Variants in PCDHGC3 observed in about 807,000 individuals in gnomAD.
PCDHGC3 encodes protocadherin gamma-C3.
PCDHGC3 carries 26 observed loss-of-function variants against 59.2 expected under a neutral mutation model. The ratio of observed to expected loss-of-function variants is 0.44; its 90% CI spans 0.32 to 0.61. PCDHGC3 has a LOEUF of 0.61. Ranked by LOEUF, PCDHGC3 falls within the 20% of genes least tolerant of loss-of-function variation. PCDHGC3 has a pLI of 0.05. For synonymous variants in PCDHGC3, 487 were observed against 519.7 expected (o/e 0.94, Z 0.86); for missense variants, 1,080 against 1,221.8 (o/e 0.88, Z 1.73).
Position 141,478,461 on chromosome 5 carries a change from T to C in PCDHGC3, c.2345T>C (p.Leu782Pro). The C allele has an allele frequency of 6.2e-7, 1 of 1,613,254 alleles. No individual in the cohort carries two copies. The highest frequency in any genetic ancestry group is 2.2e-5 in the East Asian group (1 of 44,886). Residue 782 changes from leucine (L) to proline (P), a missense_variant, in exon 1 of 4, where the codon CTG becomes CCG. Transcript: ENST00000308177. ...AAGAAACCTGGTGCAGCCAGTCCAC[T>C]GGCCAGCCGCCAGAACACGCTGCGG... ...LLKKPGAASP[L>P]ASRQNTLRSC...
chr5:141,490,730 A>C lies in PCDHGC3; in HGVS notation c.2431-4077A>C. On this transcript the variant is annotated intron_variant, in intron 1 of 3. Coordinates refer to ENST00000308177, the MANE Select transcript of PCDHGC3 (RefSeq NM_002588.4). This position sits in a 1 kb window ranked among gnomAD's most constrained non-coding sequence, Gnocchi z 5.4. ...CTCACCTACTCCATTGTAGGAAATC[A>C]GGTTCAGGGAGCCCCAGCCTCCTCC... 6.2e-7 allele frequency: 1 copy of C among 1,614,188 alleles called. No homozygotes were observed. Among genetic ancestry groups the C allele is most frequent in the Non-Finnish European group, 8.5e-7 (1 of 1,180,024 alleles).
In PCDHGC3 at chr5:141,488,435, C is replaced by T. The variant is rs111661764; in HGVS notation, c.2431-6372C>T. Among the ~76,000 whole-genome samples, 87 of 152,276 alleles carry T rather than the reference C, an allele frequency of 5.7e-4. 1 individual carries two copies. The highest frequency in any genetic ancestry group is 1.6e-3 in the African/African-American group (67 of 41,546). On this transcript the variant is annotated intron_variant, in intron 1 of 3. Transcript: ENST00000308177. ...AAGCCATCCATGCTTGGCCTCTGAC[C>T]ACCCTCCTGGGTGACCTGATTCAGC...
At position 141,493,026 on chromosome 5, in the gene PCDHGC3, C is replaced by G. The variant is rs73280358; in HGVS notation, c.2431-1781C>G. Reference sequence around the variant, plus strand: ...TAGGCTCTGCCAGATGCCAGGGTGCCCTTATGTGTGAGGAAACTACAATAG... The same window carrying G: ...TAGGCTCTGCCAGATGCCAGGGTGCGCTTATGTGTGAGGAAACTACAATAG... On this transcript the variant is annotated intron_variant, in intron 1 of 3. Coordinates refer to ENST00000308177, the MANE Select transcript of PCDHGC3 (RefSeq NM_002588.4). This position sits in a 1 kb window ranked among gnomAD's most constrained non-coding sequence, Gnocchi z 4.3. 0.039 allele frequency among the ~76,000 whole-genome samples: 5,923 copies of G among 152,298 alleles called. 150 individuals are homozygous for G. The highest frequency in any genetic ancestry group is 0.077 in the South Asian group (370 of 4,822).
chr5:141,481,913 CAAAAAAAA>C (rs34114744), intron 1 of PCDHGC3, among the ~76,000 whole-genome samples: 1 of 90,852 alleles, frequency 1.1e-5, no homozygotes, highest in African/African-American at 4.2e-5. Flanking sequence ...AACTCCATCT[CAAAAAAAA>C]AAAAAAAAAA....
intron 1 of PCDHGC3, 72 bp from the exon 2 acceptor site, chr5:141,494,735 A>C: frequency 6.2e-7 from 1 of 1,610,712 alleles, no homozygotes; most frequent in Middle Eastern, 1.7e-4. Context: ...CTCCCGGCCC[A>C]TCCCTAGGGG....
intron 1 of PCDHGC3, among the ~76,000 whole-genome samples, chr5:141,483,007 C>T (rs938404755): frequency 1.3e-5 from 2 of 152,022 alleles, no homozygotes; most frequent in Non-Finnish European, 2.9e-5. Flanking sequence ...ATTGCTTGAA[C>T]CCGGGAGGCA....
At position 141,491,891 on chromosome 5, in the gene PCDHGC3, G is replaced by T. The variant is rs1487484740; in HGVS notation, c.2431-2916G>T. On this transcript the variant is annotated intron_variant, in intron 1 of 3. Coordinates refer to ENST00000308177, the MANE Select transcript of PCDHGC3 (RefSeq NM_002588.4). This position sits in a 1 kb window ranked among gnomAD's most constrained non-coding sequence, Gnocchi z 6.9. ...GTGGCCGATTAAGGGATGGGGCTCC[G>T]AGCACCGGGGGTGGTGGCGACTGTG... 19 of 1,439,438 alleles carry T rather than the reference G, an allele frequency of 1.3e-5. No homozygotes were observed. The East Asian group carries it at 4.8e-4, about 36-fold the overall frequency. 89.2% of individuals were successfully genotyped at this position (1,439,438 alleles called of 1,614,324 possible). A position where few individuals can be genotyped will look rare whatever the true frequency, so the allele number is the denominator to read the frequency against.
chr5:141,508,270 G>C lies in PCDHGC3; in HGVS notation c.2579-2677G>C, dbSNP rs547745015. On this transcript the variant is annotated intron_variant, in intron 3 of 3. Coordinates refer to ENST00000308177, the MANE Select transcript of PCDHGC3 (RefSeq NM_002588.4). Reference sequence around the variant, plus strand: ...TCTCCTGGGACCAAGAGAAAATCCCGGTCCTTGACCAAGGTGGGCCTTGGG... The same window carrying C: ...TCTCCTGGGACCAAGAGAAAATCCCCGTCCTTGACCAAGGTGGGCCTTGGG... 4 of 152,228 alleles carry C rather than the reference G, an allele frequency of 2.6e-5. No individual in the cohort carries two copies. The East Asian group carries it at 7.7e-4, about 29-fold the overall frequency. 9.4% of individuals were successfully genotyped at this position (152,228 alleles called of 1,614,324 possible). A position where few individuals can be genotyped will look rare whatever the true frequency, so the allele number is the denominator to read the frequency against.
chr5:141,502,250 TA>T (rs2099813542), intron 2 of PCDHGC3, among the ~76,000 whole-genome samples: 1 of 152,242 alleles, frequency 6.6e-6, no homozygotes, highest in African/African-American at 2.4e-5. Flanking sequence ...TCCTTTTTTT[TA>T]ATCCAGGATT....
chr5:141,477,857 C>T lies in PCDHGC3; in HGVS notation c.1741C>T (p.Pro581Ser). ...RPGGSSVEML[P>S]RGTSAGHLVS... ...AGGTGGGAGCTCGGTGGAGATGCTG[C>T]CTCGAGGTACCTCAGCTGGCCACCT... Residue 581 changes from proline (P) to serine (S), a missense_variant, in exon 1 of 4, where the codon CCT becomes TCT. Pro to Ser is a moderately conservative substitution (Grantham distance 74, BLOSUM62 -1). Transcript: ENST00000308177. The surrounding 1 kb of genome is among the most constrained non-coding windows in gnomAD (Gnocchi z 4.9). The T allele has an allele frequency of 6.2e-7, 1 of 1,613,574 alleles. No individual in the cohort carries two copies. The highest frequency in any genetic ancestry group is 8.5e-7 in the Non-Finnish European group (1 of 1,179,836).
intron 1 of PCDHGC3, among the ~76,000 whole-genome samples, chr5:141,488,563 C>T (rs1352750895): frequency 1.3e-5 from 2 of 152,134 alleles, no homozygotes; most frequent in Admixed American, 6.6e-5. Flanking sequence ...TTGAGATTTC[C>T]GCAAAGCATT....
intron 2 of PCDHGC3, among the ~76,000 whole-genome samples, chr5:141,495,107 AC>A (rs1422274779): frequency 1.3e-5 from 2 of 152,048 alleles, no homozygotes; most frequent in Non-Finnish European, 2.9e-5. Context: ...CACGACCGGC[AC>A]CTTTTCCTAT....
In PCDHGC3 at chr5:141,476,789, T is replaced by A. The variant is rs762462741; in HGVS notation, c.673T>A (p.Ser225Thr). Residue 225 changes from serine to threonine, a missense_variant, in exon 1 of 4, where the codon TCC becomes ACC. Physicochemically the swap from Ser to Thr is moderately conservative, Grantham distance 58. Coordinates refer to ENST00000308177, the MANE Select transcript of PCDHGC3 (RefSeq NM_002588.4). The surrounding 1 kb of genome is among the most constrained non-coding windows in gnomAD (Gnocchi z 7.6). ...TALDGGTPAL[S>T]ASLPIHIKVL... ...GTTGGACGGAGGGACCCCAGCTCTCTCCGCCAGCCTGCCTATTCACATCAA... is the reference window on the plus strand; with the variant it reads ...GTTGGACGGAGGGACCCCAGCTCTCACCGCCAGCCTGCCTATTCACATCAA... 1.3e-5 allele frequency: 21 copies of A among 1,613,374 alleles called. No individual in the cohort carries two copies. Among genetic ancestry groups the A allele is most frequent in the Non-Finnish European group, 1.7e-5 (20 of 1,180,016 alleles).
chr5:141,505,558 C>A (rs945428797), intron 3 of PCDHGC3, 77 bp downstream of exon 3: 1 of 1,605,016 alleles, frequency 6.2e-7, no homozygotes, highest in African/African-American at 1.3e-5. Context: ...ACCATGCCCA[C>A]GGACTGGATG....
At chr5:141,478,840 A>G (rs2099480064) in intron 1 of PCDHGC3, 1 of 1,410,466 alleles carries the variant, frequency 7.1e-7, no homozygotes, top group Non-Finnish European at 9.3e-7. Context: ...AGGGATGGTT[A>G]AGCTAAAACA....
chr5:141,486,816 C>G lies in PCDHGC3; in HGVS notation c.2431-7991C>G. The G allele has an allele frequency of 6.2e-7, 1 of 1,614,252 alleles. No individual in the cohort carries two copies. Among genetic ancestry groups the G allele is most frequent in the East Asian group, 2.2e-5 (1 of 44,884 alleles). ...CGGGGCAACCCACCCCTTAGCAGCACTGTAACAGTTCGTCTATTTGTGCTG... is the reference window on the plus strand; with the variant it reads ...CGGGGCAACCCACCCCTTAGCAGCAGTGTAACAGTTCGTCTATTTGTGCTG... On this transcript the variant is annotated intron_variant, in intron 1 of 3. Coordinates refer to ENST00000308177, the MANE Select transcript of PCDHGC3 (RefSeq NM_002588.4). The surrounding 1 kb of genome is among the most constrained non-coding windows in gnomAD (Gnocchi z 5.0).
chr5:141,478,460 C>G lies in PCDHGC3; in HGVS notation c.2344C>G (p.Leu782Val), dbSNP rs759992881. The change falls in exon 1 of 4, where the codon CTG (leucine) becomes GTG (valine). Residue 782 changes from leucine to valine, a missense_variant. Physicochemically the swap from Leu to Val is conservative, Grantham distance 32. Coordinates refer to ENST00000308177, the MANE Select transcript of PCDHGC3 (RefSeq NM_002588.4). ...LLKKPGAASPLASRQNTLRSC... is the reference protein window; with the variant it reads ...LLKKPGAASPVASRQNTLRSC... ...GAAGAAACCTGGTGCAGCCAGTCCA[C>G]TGGCCAGCCGCCAGAACACGCTGCG... 1 of 1,613,344 alleles carries G rather than the reference C, an allele frequency of 6.2e-7. No individual in the cohort carries two copies. The highest frequency in any genetic ancestry group is 2.2e-5 in the East Asian group (1 of 44,884).
At chr5:141,492,974 C>G (rs1479838959) in intron 1 of PCDHGC3, among the ~76,000 whole-genome samples, 1 of 152,244 alleles carries the variant, frequency 6.6e-6, no homozygotes, top group Non-Finnish European at 1.5e-5. Flanking sequence ...CTAACAAGTC[C>G]TGTCTCCTCT....
At chr5:141,496,050 G>A (rs1232836015) in intron 2 of PCDHGC3, among the ~76,000 whole-genome samples, 2 of 149,892 alleles carry the variant, frequency 1.3e-5, no homozygotes, top group Non-Finnish European at 3.0e-5. Flanking sequence ...ATTTTTTTGT[G>A]CTTGTGGGCA....
Sources: allele counts gnomAD v4.1 joint callset (sites outside exome capture counted in the v4.1 genomes callset), GRCh38; gene constraint gnomAD v4.1.1; non-coding constraint Gnocchi (gnomAD v3.1); transcripts MANE v1.5; gene names NCBI Gene and HGNC (gene_info 2026-07-23, HGNC 2026-07-21).